Variants in KIF27 observed in about 807,000 individuals in gnomAD.
KIF27 encodes kinesin family member 27, also known as kinesin-like protein KIF27.
In KIF27, 84 loss-of-function variants were observed where a neutral mutation model predicts 141.8. The ratio of observed to expected loss-of-function variants is 0.59; its 90% CI spans 0.50 to 0.71. The LOEUF is 0.71. Ranked by LOEUF, KIF27 falls within the 30% of genes least tolerant of loss-of-function variation. KIF27 has a pLI of 0.00. For synonymous variants in KIF27, 471 were observed against 569.5 expected (o/e 0.83, Z 2.46); for missense variants, 1,306 against 1,628.4 (o/e 0.80, Z 3.41).
intron 14 of KIF27, among the ~76,000 whole-genome samples, chr9:83,857,080 A>G (rs1167856468): frequency 1.6e-3 from 232 of 144,182 alleles, no homozygotes; most frequent in Non-Finnish European, 2.7e-3. Context: ...GATTTTACCA[A>G]AAAAAAAAAA....
chr9:83,834,229 T>G lies in KIF27; in HGVS notation c.*2772A>C, dbSNP rs1008773619. 2.0e-5 allele frequency among the ~76,000 whole-genome samples: 3 copies of G among 152,130 alleles called. No individual in the cohort carries two copies. The highest frequency in any genetic ancestry group is 4.4e-5 in the Non-Finnish European group (3 of 67,990). ...TGACAAAATGTTTAGAAAAAGCATG[T>G]GAAAAAGTAAAATCATTATTAGTAT... On this transcript the variant is annotated 3_prime_UTR_variant, in exon 18 of 18. Transcript: ENST00000297814.
intron 3 of KIF27, among the ~76,000 whole-genome samples, chr9:83,905,596 T>C (rs1954435521): frequency 1.3e-5 from 2 of 152,234 alleles, no homozygotes; most frequent in South Asian, 2.1e-4. Flanking sequence ...CATGACACTT[T>C]TTAAACAACC....
At chr9:83,918,153 T>A (rs1955881550) in intron 1 of KIF27, among the ~76,000 whole-genome samples, 1 of 152,012 alleles carries the variant, frequency 6.6e-6, no homozygotes, top group Non-Finnish European at 1.5e-5. Flanking sequence ...TACGCACCTG[T>A]GGTCTCAGCT....
chr9:83,845,582 G>A (rs1212201363), intron 16 of KIF27, among the ~76,000 whole-genome samples: 5 of 152,198 alleles, frequency 3.3e-5, no homozygotes, highest in African/African-American at 4.8e-5. Context: ...TGCACGATAT[G>A]CAGGCACCAC....
chr9:83,910,868 C>A (rs565288857), intron 2 of KIF27, among the ~76,000 whole-genome samples: 78 of 152,158 alleles, frequency 5.1e-4, no homozygotes, highest in Middle Eastern at 3.4e-3. Flanking sequence ...TCGGTGTTCA[C>A]AGCAACATTA....
intron 1 of KIF27, among the ~76,000 whole-genome samples, chr9:83,918,988 A>C (rs1017525822): frequency 6.6e-6 from 1 of 152,124 alleles, no homozygotes; most frequent in African/African-American, 2.4e-5. Context: ...AGGCAGGAGA[A>C]TCGCTTGAAC....
chr9:83,886,660 G>A (rs1952132353), intron 9 of KIF27, among the ~76,000 whole-genome samples: 1 of 152,210 alleles, frequency 6.6e-6, no homozygotes, highest in South Asian at 2.1e-4. Flanking sequence ...GGAGGCTGAG[G>A]TAGGAGGATT....
chr9:83,893,699 TAAAA>T (rs1433257276), intron 5 of KIF27, among the ~76,000 whole-genome samples: 3 of 151,854 alleles, frequency 2.0e-5, no homozygotes, highest in Admixed American at 6.6e-5. Flanking sequence ...CTAAAGATGT[TAAAA>T]AGATAGCAGG....
At chr9:83,904,095 A>G in intron 3 of KIF27, 77 bp from the exon 4 acceptor site, 5 of 1,122,870 alleles carry the variant, frequency 4.5e-6, no homozygotes, top group Non-Finnish European at 6.3e-6. Context: ...CATTTGCTAA[A>G]CAGCCTGGCC....
At chr9:83,914,518 AC>A (rs1955505886) in intron 2 of KIF27, among the ~76,000 whole-genome samples, 1 of 152,148 alleles carries the variant, frequency 6.6e-6, no homozygotes, top group Non-Finnish European at 1.5e-5. Context: ...TCATATCTGA[AC>A]AGCTAGAGAA....
At chr9:83,905,053 A>G (rs1954358056) in intron 3 of KIF27, among the ~76,000 whole-genome samples, 1 of 152,164 alleles carries the variant, frequency 6.6e-6, no homozygotes, top group Non-Finnish European at 1.5e-5. Flanking sequence ...TTTTATTTCA[A>G]TCGCAGAATG....
chr9:83,892,083 G>A lies in KIF27; in HGVS notation c.1603-582C>T, dbSNP rs397835027. On this transcript the variant is annotated intron_variant, in intron 5 of 17. Transcript: ENST00000297814. ...GTGTGTGTGTGTTTGTGTATATGTG[G>A]TTTAGTATTTTTTGTGTATCCTCTA... Among the ~76,000 whole-genome samples the A allele has an allele frequency of 6.6e-5, 10 of 152,264 alleles. 1 individual carries two copies. The highest frequency in any genetic ancestry group is 2.4e-4 in the African/African-American group (10 of 41,546).
chr9:83,867,340 C>T (rs182861495), intron 13 of KIF27, among the ~76,000 whole-genome samples: 1 of 152,050 alleles, frequency 6.6e-6, no homozygotes, highest in Admixed American at 6.6e-5. Flanking sequence ...TGGATACATG[C>T]TTTCATTTCT....
chr9:83,878,403 T>C (rs933629481), intron 11 of KIF27, among the ~76,000 whole-genome samples: 2 of 151,972 alleles, frequency 1.3e-5, no homozygotes, highest in Admixed American at 1.3e-4. Context: ...AGGTACATAC[T>C]CCTAGGTACA....
At position 83,890,288 on chromosome 9, in the gene KIF27, T is replaced by G. The variant is rs184797395; in HGVS notation, c.1809+1007A>C. 8.0e-3 allele frequency among the ~76,000 whole-genome samples: 1,212 copies of G among 152,156 alleles called. 32 individuals are homozygous for G. The highest frequency in any genetic ancestry group is 0.037 in the East Asian group (190 of 5,176). ...ATCATCTGTCACATCAGCATCATGA[T>G]AGATGGGCGTAAAGTTTTTTAGGTG... On this transcript the variant is annotated intron_variant, in intron 6 of 17. Coordinates refer to ENST00000297814, the MANE Select transcript of KIF27 (RefSeq NM_017576.4).
chr9:83,918,297 G>A (rs1185534270), intron 1 of KIF27, among the ~76,000 whole-genome samples: 2 of 120,652 alleles, frequency 1.7e-5, no homozygotes, highest in African/African-American at 6.8e-5. Context: ...GTCTCAAAGA[G>A]AGAGAGAAAG....
chr9:83,873,290 G>A (rs991104832), intron 11 of KIF27, among the ~76,000 whole-genome samples: 7 of 152,160 alleles, frequency 4.6e-5, no homozygotes, highest in African/African-American at 1.7e-4. Context: ...CAAGGCATAG[G>A]ATAAAAGAAG....
chr9:83,906,128 T>C (rs1411697951), intron 3 of KIF27, among the ~76,000 whole-genome samples: 1 of 152,234 alleles, frequency 6.6e-6, no homozygotes, highest in Non-Finnish European at 1.5e-5. Flanking sequence ...TCAATAATTG[T>C]ATTCCATAAG....
chr9:83,867,645 G>A (rs1206718672), intron 13 of KIF27, 39 bp downstream of exon 13: 62 of 1,550,208 alleles, frequency 4.0e-5, no homozygotes, highest in Non-Finnish European at 5.1e-5. Flanking sequence ...GTAGGGAGTG[G>A]TTTACAACCA....
Sources: gnomAD v4.1 joint callset for allele counts (sites outside exome capture counted in the v4.1 genomes callset) on GRCh38, gnomAD v4.1.1 for gene constraint, MANE v1.5 for transcripts, NCBI Gene and HGNC (gene_info 2026-07-23, HGNC 2026-07-21) for gene names.